SS18L2: variants seen among roughly 807,000 people sequenced by gnomAD.
SS18L2 encodes the protein SS18-like protein 2.
A neutral mutation model predicts 10.3 loss-of-function variants in SS18L2; 8 were observed. The observed-to-expected ratio is 0.78, with a 90% CI of 0.46 to 1.41. The LOEUF is 1.41. SS18L2 is among the 40% of genes most tolerant of loss of function. SS18L2 has a pLI of 0.00. For synonymous variants in SS18L2, 41 were observed against 34.6 expected (o/e 1.19, Z -0.65); for missense variants, 100 against 96.2 (o/e 1.04, Z -0.17).
rs1705029732 is a variant in SS18L2, at chr3:42,596,338, T to A, written c.*1829T>A. Among the ~76,000 whole-genome samples, 1 of 152,228 alleles carries A rather than the reference T, an allele frequency of 6.6e-6. No individual in the cohort carries two copies. Among genetic ancestry groups the A allele is most frequent in the South Asian group, 2.1e-4 (1 of 4,832 alleles). On this transcript the variant is annotated 3_prime_UTR_variant, in exon 3 of 3. Coordinates refer to ENST00000011691, the MANE Select transcript of SS18L2 (RefSeq NM_001370300.1). ...CGCCCAGCCGATCATTTCTGTTTTC[T>A]AGAAAATTATTTTGTCTGTTTCCCC... is the stretch of plus-strand genomic sequence containing the variant.
chr3:42,590,076 A>G (rs1237023801), upstream of SS18L2, among the ~76,000 whole-genome samples: 1 of 151,812 alleles, frequency 6.6e-6, no homozygotes, highest in African/African-American at 2.4e-5. Flanking sequence ...TGGAGAAAAT[A>G]CCAGTGCTTT....
Position 42,595,984 on chromosome 3 carries a change from T to A in SS18L2, c.*1475T>A, listed in dbSNP as rs1378291225. 6.6e-6 allele frequency among the ~76,000 whole-genome samples: 1 copy of A among 152,136 alleles called. No individual in the cohort carries two copies. Among genetic ancestry groups the A allele is most frequent in the African/African-American group, 2.4e-5 (1 of 41,442 alleles). ...CTAATGTGCTGAGGGCTCTGGCTCT[T>A]TCTTTTTTCTTTTTCTTCTTTTTTT... On this transcript the variant is annotated 3_prime_UTR_variant, in exon 3 of 3. Coordinates refer to ENST00000011691, the MANE Select transcript of SS18L2 (RefSeq NM_001370300.1).
chr3:42,590,840 G>T (rs1055607553), upstream of SS18L2: 5 of 1,556,062 alleles, frequency 3.2e-6, no homozygotes, highest in Non-Finnish European at 3.5e-6. Flanking sequence ...CGAGAGCGTA[G>T]GCCCCACCTA....
At chr3:42,584,411 C>A (rs569920692) in intron 1 of SS18L2, among the ~76,000 whole-genome samples, 1 of 152,150 alleles carries the variant, frequency 6.6e-6, no homozygotes, top group African/African-American at 2.4e-5. Context: ...TCTGCCAACA[C>A]GCCCAGCTAA....
intron 1 of SS18L2, chr3:42,582,137 G>A (rs1577361342): frequency 3.3e-5 from 5 of 152,358 alleles, no homozygotes; most frequent in Non-Finnish European, 1.5e-5. Flanking sequence ...CAAACGGAGA[G>A]GGAGTGTGAC....
chr3:42,587,784 G>A (rs1043474373), upstream of SS18L2, among the ~76,000 whole-genome samples: 3 of 151,280 alleles, frequency 2.0e-5, no homozygotes, highest in South Asian at 4.2e-4. Flanking sequence ...CAAAACCTTC[G>A]CTTTAGGCCA....
chr3:42,591,875 C>T (rs1012797222), intron 2 of SS18L2, among the ~76,000 whole-genome samples: 4 of 152,120 alleles, frequency 2.6e-5, no homozygotes, highest in African/African-American at 9.7e-5. Context: ...CTGATGACAA[C>T]AGGGATGGGG....
upstream of SS18L2, chr3:42,590,840 G>C (rs1055607553): frequency 6.4e-7 from 1 of 1,556,062 alleles, no homozygotes. Context: ...CGAGAGCGTA[G>C]GCCCCACCTA....
At chr3:42,584,547 C>T (rs954304875) in intron 1 of SS18L2, among the ~76,000 whole-genome samples, 5 of 152,322 alleles carry the variant, frequency 3.3e-5, no homozygotes, top group East Asian at 1.9e-4. Flanking sequence ...TGAGCCACCA[C>T]GCCTAGCCGG....
rs1559538604 is a variant in SS18L2 at position 42,596,671 on chromosome 3, A to G, written c.*2162A>G. On this transcript the variant is annotated 3_prime_UTR_variant, in exon 3 of 3. Transcript: ENST00000011691. ...ACCAAATTGCATACTTTTATCTTCG[A>G]ATCATCTAAAATATAATTTCAAATC... Among the ~76,000 whole-genome samples, 2 of 152,230 alleles carry G rather than the reference A, an allele frequency of 1.3e-5. No individual in the cohort carries two copies. Among genetic ancestry groups the G allele is most frequent in the Non-Finnish European group, 2.9e-5 (2 of 68,038 alleles).
upstream of SS18L2, among the ~76,000 whole-genome samples, chr3:42,590,532 A>G (rs1704783020): frequency 6.6e-6 from 1 of 151,418 alleles, no homozygotes; most frequent in Non-Finnish European, 1.5e-5. Context: ...GCTTGCAGTG[A>G]GCTGAGATGC....
chr3:42,581,922 G>C (rs565677954), exon 1 of SS18L2: 2 of 152,356 alleles, frequency 1.3e-5, no homozygotes, highest in East Asian at 3.9e-4. Context: ...AGCCGACCGG[G>C]AGGGCTCGGC....
intron 1 of SS18L2, among the ~76,000 whole-genome samples, chr3:42,584,187 C>T (rs529167463): frequency 6.6e-6 from 1 of 152,116 alleles, no homozygotes; most frequent in African/African-American, 2.4e-5. Flanking sequence ...TCTGGAGAAC[C>T]TTGACTAATA....
At chr3:42,588,993 A>G (rs1339779012), upstream of SS18L2, among the ~76,000 whole-genome samples, 2 of 152,110 alleles carry the variant, frequency 1.3e-5, no homozygotes, top group African/African-American at 4.8e-5. Context: ...GGCCGGGCAC[A>G]GTAGCTCACA....
At chr3:42,593,844 A>G (rs1704944646) in intron 2 of SS18L2, among the ~76,000 whole-genome samples, 1 of 152,186 alleles carries the variant, frequency 6.6e-6, no homozygotes, top group Non-Finnish European at 1.5e-5. Flanking sequence ...ATGCAGTAGT[A>G]AGGCATAGTG....
chr3:42,590,542 C>T (rs1203932568), upstream of SS18L2, among the ~76,000 whole-genome samples: 1 of 151,630 alleles, frequency 6.6e-6, no homozygotes, highest in African/African-American at 2.4e-5. Context: ...AGCTGAGATG[C>T]GCCACTGCAC....
At chr3:42,592,887 A>T (rs1441389186) in intron 2 of SS18L2, among the ~76,000 whole-genome samples, 2 of 152,078 alleles carry the variant, frequency 1.3e-5, no homozygotes, top group African/African-American at 4.8e-5. Flanking sequence ...CCGTAAACTT[A>T]TGTTGATCAT....
intron 1 of SS18L2, among the ~76,000 whole-genome samples, chr3:42,583,724 A>C (rs614323): frequency 0.45 from 68,785 of 151,612 alleles, 18,266 homozygotes; most frequent in African/African-American, 0.74. Flanking sequence ...CAGGCACCAC[A>C]TAATAGAACA....
chr3:42,583,147 A>C (rs1047593080), intron 1 of SS18L2, among the ~76,000 whole-genome samples: 4 of 152,242 alleles, frequency 2.6e-5, no homozygotes, highest in Non-Finnish European at 5.9e-5. Context: ...ACCATAGAAC[A>C]CTGGTCAAAA....
Sources: allele counts gnomAD v4.1 joint callset (sites outside exome capture counted in the v4.1 genomes callset), GRCh38; gene constraint gnomAD v4.1.1; transcripts MANE v1.5; gene names NCBI Gene and HGNC (gene_info 2026-07-23, HGNC 2026-07-21).